TLL2: variants seen among roughly 807,000 people sequenced by gnomAD.
TLL2 encodes the protein tolloid-like protein 2.
Under a neutral mutation model 123.0 loss-of-function variants are expected in TLL2, and 106 were observed. That is an observed-to-expected ratio of 0.86 (90% confidence interval 0.74 to 1.01). The LOEUF (loss-of-function observed/expected upper bound fraction) is 1.01. Ranked by LOEUF, TLL2 falls within the 50% of genes least tolerant of loss-of-function variation. The pLI is 0.00. For synonymous variants in TLL2, 494 were observed against 516.8 expected, an observed-to-expected ratio of 0.96 and a Z score of 0.60; for missense variants, 1,332 against 1,336.7, an observed-to-expected ratio of 1.00 and a Z score of 0.06.
intron 15 of TLL2, 22 bp downstream of exon 15, chr10:96,386,033 C>A: frequency 6.4e-7 from 1 of 1,558,374 alleles, no homozygotes; most frequent in South Asian, 1.2e-5. Context: ...AGTCCCCAAT[C>A]AATTAGAGCA....
chr10:96,377,625 A>C (rs1404796626), intron 17 of TLL2, among the ~76,000 whole-genome samples: 1 of 152,214 alleles, frequency 6.6e-6, no homozygotes, highest in African/African-American at 2.4e-5. Flanking sequence ...CCAGTCTACC[A>C]CTGCTTAGAA....
intron 17 of TLL2, 92 bp downstream of exon 17, chr10:96,378,874 CG>C: frequency 2.6e-6 from 4 of 1,523,396 alleles, no homozygotes; most frequent in Non-Finnish European, 3.6e-6. Context: ...AAGAGGTCCT[CG>C]CCGCACCTCC....
At chr10:96,405,355 GTGAGTTTTGGCAGCAAAGCC>G in intron 9 of TLL2, 21 bp from the exon 10 acceptor site, 1 of 1,612,184 alleles carries the variant, frequency 6.2e-7, no homozygotes. Context: ...TTACCATAAA[GTGAGTTTTGGCAGCAAAGCC>G]TGAGGAGTTT....
chr10:96,477,066 C>A (rs1847266146), intron 2 of TLL2, among the ~76,000 whole-genome samples: 2 of 117,128 alleles, frequency 1.7e-5, no homozygotes, highest in Admixed American at 1.0e-4. Context: ...CAACAAGCAG[C>A]ATTAGTTTAA....
At chr10:96,506,267 A>AAAG (rs1554942284) in intron 1 of TLL2, among the ~76,000 whole-genome samples, 25 of 73,798 alleles carry the variant, frequency 3.4e-4, no homozygotes, top group Non-Finnish European at 4.4e-4. Flanking sequence ...AAAAAAAAAG[A>AAAG]AAAAAAAAAA....
At chr10:96,386,271 A>T in intron 14 of TLL2, 56 bp from the exon 15 acceptor site, 1 of 1,470,676 alleles carries the variant, frequency 6.8e-7, no homozygotes, top group Non-Finnish European at 9.1e-7. Flanking sequence ...GGTGACTGTG[A>T]TTTCCCACCA....
In TLL2 at chr10:96,384,650, G is replaced by A. The variant is rs1230962115; in HGVS notation, c.2131C>T (p.Arg711Cys). The change falls in exon 16 of 21, where the codon CGC becomes TGC. Residue 711 changes from arginine (R) to cysteine (C), a missense_variant. By Grantham distance (180) the Arg-to-Cys change is radical (BLOSUM62 -3). Transcript: ENST00000357947. ...EVITSQSNNM[R>C]VEFKSDNTVS... is the part of the protein sequence containing the mutation. ...GTGTTGTCGGACTTGAACTCCACGC[G>A]CATGTTGTTGCTCTGCGAGGTGATG... 8.7e-6 allele frequency: 14 copies of A among 1,612,106 alleles called. No individual in the cohort carries two copies. The highest frequency in any genetic ancestry group is 2.2e-5 in the South Asian group (2 of 90,750).
intron 7 of TLL2, 37 bp downstream of exon 7, chr10:96,420,919 A>C: frequency 6.3e-7 from 1 of 1,591,544 alleles, no homozygotes; most frequent in Non-Finnish European, 8.6e-7. Context: ...CCGCAGGCAC[A>C]GTAAAACACA....
At chr10:96,433,111 G>A in intron 3 of TLL2, 149 bp from the exon 4 acceptor site, 2 of 1,059,850 alleles carry the variant, frequency 1.9e-6, no homozygotes, top group Non-Finnish European at 2.7e-6. Flanking sequence ...GGAAGCCCTG[G>A]GTGGCAGTTT....
intron 8 of TLL2, among the ~76,000 whole-genome samples, chr10:96,412,939 G>T (rs1038202095): frequency 6.6e-6 from 1 of 152,172 alleles, no homozygotes; most frequent in African/African-American, 2.4e-5. Flanking sequence ...GGACACAAAG[G>T]CTTTGCCAGA....
intron 16 of TLL2, among the ~76,000 whole-genome samples, chr10:96,380,924 C>T (rs1457127331): frequency 2.0e-5 from 3 of 149,714 alleles, no homozygotes; most frequent in African/African-American, 7.4e-5. Flanking sequence ...TTGCGGTGAG[C>T]GGAGATTGCG....
At chr10:96,477,168 A>G (rs1372600572) in intron 2 of TLL2, among the ~76,000 whole-genome samples, 1 of 151,618 alleles carries the variant, frequency 6.6e-6, no homozygotes, top group Non-Finnish European at 1.5e-5. Context: ...TGGACCTCAG[A>G]GAAAAATGAT....
chr10:96,395,299 A>G lies in TLL2; in HGVS notation c.1614T>C (p.Phe538=). Residue 538 remains phenylalanine, a synonymous_variant, in exon 13 of 21, where the codon TTT becomes TTC. Transcript: ENST00000357947. The part of the protein sequence containing the change: ...PTEESALIGH[F]CGYEKPEDVK... ...CATCCTCCGGCTTCTCATAGCCACA[A>G]AAGTGGCCGATCAGGGCACTCTCTT... is the stretch of plus-strand genomic sequence containing the variant. 2 of 1,614,046 alleles carry G rather than the reference A, an allele frequency of 1.2e-6. No individual in the cohort carries two copies. Among genetic ancestry groups the G allele is most frequent in the Non-Finnish European group, 1.7e-6 (2 of 1,179,998 alleles).
At chr10:96,454,990 C>T (rs905613500) in intron 2 of TLL2, among the ~76,000 whole-genome samples, 1 of 152,232 alleles carries the variant, frequency 6.6e-6, no homozygotes, top group African/African-American at 2.4e-5. Flanking sequence ...AGGCATCCCA[C>T]TGTTCCCCAG....
At chr10:96,504,890 G>A (rs564462143) in intron 1 of TLL2, among the ~76,000 whole-genome samples, 17 of 151,864 alleles carry the variant, frequency 1.1e-4, no homozygotes, top group African/African-American at 2.9e-4. Context: ...CGCCTGTAGC[G>A]CCAGCTACTC....
intron 3 of TLL2, among the ~76,000 whole-genome samples, chr10:96,445,256 A>T (rs1846887520): frequency 6.6e-6 from 1 of 152,244 alleles, no homozygotes; most frequent in Admixed American, 6.5e-5. Flanking sequence ...GCTGACTGTG[A>T]ATCATGATTC....
chr10:96,419,312 G>A (rs1846596550), intron 7 of TLL2, among the ~76,000 whole-genome samples: 1 of 152,170 alleles, frequency 6.6e-6, no homozygotes, highest in Admixed American at 6.5e-5. Flanking sequence ...GCTGGAAGGG[G>A]CTCAGAGAAC....
At chr10:96,499,190 G>T (rs753624159) in intron 1 of TLL2, among the ~76,000 whole-genome samples, 1 of 152,226 alleles carries the variant, frequency 6.6e-6, no homozygotes, top group Non-Finnish European at 1.5e-5. Context: ...TGCCAGCAGT[G>T]TTCAGGAAAA....
At chr10:96,411,996 A>T (rs1210831740) in intron 8 of TLL2, among the ~76,000 whole-genome samples, 1 of 152,204 alleles carries the variant, frequency 6.6e-6, no homozygotes, top group Non-Finnish European at 1.5e-5. Flanking sequence ...ATACATTACT[A>T]TGTGGCTCCA....
Sources: allele counts gnomAD v4.1 joint callset (sites outside exome capture counted in the v4.1 genomes callset), GRCh38; gene constraint gnomAD v4.1.1; transcripts MANE v1.5; gene names NCBI Gene and HGNC (gene_info 2026-07-23, HGNC 2026-07-21).